TRHDE: variants seen among roughly 807,000 people sequenced by gnomAD.
TRHDE encodes thyrotropin-releasing hormone-degrading ectoenzyme.
TRHDE carries 72 observed loss-of-function variants against 125.7 expected under a neutral mutation model. The ratio of observed to expected loss-of-function variants is 0.57; its 90% CI spans 0.47 to 0.70. TRHDE has a LOEUF of 0.70. TRHDE is among the 30% of genes least tolerant of loss of function. TRHDE has a pLI of 0.00. For missense variants in TRHDE, 1,110 were observed against 1,327.1 expected, an observed-to-expected ratio of 0.84 and a Z score of 2.54; for synonymous variants, 509 against 509.1, an observed-to-expected ratio of 1.00 and a Z score of 0.00.
intron 2 of TRHDE, among the ~76,000 whole-genome samples, chr12:72,346,342 G>A (rs1277691169): frequency 6.6e-6 from 1 of 152,040 alleles, no homozygotes; most frequent in Non-Finnish European, 1.5e-5. Flanking sequence ...CGTCATTAAT[G>A]GGCATGCAAG....
intron 15 of TRHDE, among the ~76,000 whole-genome samples, chr12:72,622,551 G>A (rs2136079824): frequency 6.6e-6 from 1 of 152,146 alleles, no homozygotes; most frequent in East Asian, 1.9e-4. Context: ...AGAGAAGCTA[G>A]GGCTTGATTT....
chr12:72,156,845 A>G (rs896964696), intron 2 of TRHDE, among the ~76,000 whole-genome samples: 1 of 152,318 alleles, frequency 6.6e-6, no homozygotes, highest in Admixed American at 6.5e-5. Flanking sequence ...GAATGCTAGG[A>G]TTCAGTAATT....
chr12:72,351,710 C>T (rs1870590514), intron 2 of TRHDE, among the ~76,000 whole-genome samples: 1 of 151,902 alleles, frequency 6.6e-6, no homozygotes, highest in South Asian at 2.1e-4. Context: ...CCAATTCATG[C>T]TCTAAATTAG....
chr12:72,593,275 TATAG>T lies in TRHDE; in HGVS notation c.2321+17737_2321+17740del, dbSNP rs749333602. Among the ~76,000 whole-genome samples, 3 of 152,288 alleles carry T rather than the reference TATAG, an allele frequency of 2.0e-5. No homozygotes were observed. The East Asian group carries it at 5.8e-4, about 29-fold the overall frequency. On this transcript the variant is annotated intron_variant, in intron 12 of 18. Transcript: ENST00000261180. ...TAAAAGGGAAACCTCACCCCTATTTTATAGATAAAGTGTCTAAGGTTCAGAAAGG... is the reference window on the plus strand; with the variant it reads ...TAAAAGGGAAACCTCACCCCTATTTTATAAAGTGTCTAAGGTTCAGAAAGG...
chr12:72,260,195 C>T (rs933914108), intron 2 of TRHDE, among the ~76,000 whole-genome samples: 2 of 152,102 alleles, frequency 1.3e-5, no homozygotes, highest in African/African-American at 4.8e-5. Context: ...ATTTCAAAAT[C>T]TAACTCTTCT....
At chr12:72,113,176 C>G (rs553790137) in intron 2 of TRHDE, among the ~76,000 whole-genome samples, 14 of 152,146 alleles carry the variant, frequency 9.2e-5, no homozygotes, top group African/African-American at 3.4e-4. Flanking sequence ...CATCACCATA[C>G]CTGGCTAAAT....
intron 3 of TRHDE, among the ~76,000 whole-genome samples, chr12:72,431,128 CTATTT>C (rs1019541242): frequency 3.7e-4 from 57 of 152,130 alleles, no homozygotes; most frequent in African/African-American, 1.3e-3. Flanking sequence ...TCTTGCTGAA[CTATTT>C]TATTAGTCTT....
At chr12:72,291,264 G>A (rs1022808229) in intron 2 of TRHDE, among the ~76,000 whole-genome samples, 3 of 152,148 alleles carry the variant, frequency 2.0e-5, no homozygotes, top group African/African-American at 7.2e-5. Context: ...ACAATAATAA[G>A]ACTGGAATAT....
At chr12:72,510,055 C>T (rs1878519576) in intron 6 of TRHDE, among the ~76,000 whole-genome samples, 1 of 152,138 alleles carries the variant, frequency 6.6e-6, no homozygotes, top group African/African-American at 2.4e-5. Flanking sequence ...CCTGACCCCT[C>T]AGCCCTGGAC....
At chr12:72,141,078 A>G (rs1260015383) in intron 2 of TRHDE, among the ~76,000 whole-genome samples, 2 of 152,192 alleles carry the variant, frequency 1.3e-5, no homozygotes, top group Non-Finnish European at 2.9e-5. Flanking sequence ...GTATTAGTAC[A>G]TCCCATTTAA....
chr12:72,314,572 C>T (rs2135703273), intron 2 of TRHDE, among the ~76,000 whole-genome samples: 1 of 152,174 alleles, frequency 6.6e-6, no homozygotes, highest in African/African-American at 2.4e-5. Flanking sequence ...AAACCAGTGT[C>T]ACTGAAGGAA....
chr12:72,440,785 A>G (rs890944552), intron 3 of TRHDE, among the ~76,000 whole-genome samples: 1 of 151,896 alleles, frequency 6.6e-6, no homozygotes, highest in African/African-American at 2.4e-5. Flanking sequence ...ATCAGAGTAG[A>G]TCGCACCCAA....
intron 2 of TRHDE, among the ~76,000 whole-genome samples, chr12:72,193,534 T>G (rs1877379968): frequency 6.6e-6 from 1 of 152,160 alleles, no homozygotes; most frequent in Admixed American, 6.5e-5. Context: ...GGCAGCTATT[T>G]ACAGCATAAC....
chr12:72,466,838 A>G (rs982795933), intron 3 of TRHDE, among the ~76,000 whole-genome samples: 6 of 152,114 alleles, frequency 3.9e-5, no homozygotes, highest in African/African-American at 7.2e-5. Flanking sequence ...ATCAATCACT[A>G]TCTTACTCTG....
intron 9 of TRHDE, 112 bp downstream of exon 9, chr12:72,563,152 G>T: frequency 1.2e-6 from 1 of 813,342 alleles, no homozygotes; most frequent in Non-Finnish European, 1.9e-6. Context: ...GTGAAATATA[G>T]TTTTTGTTTC....
chr12:72,344,554 T>C (rs1468766167), intron 2 of TRHDE, among the ~76,000 whole-genome samples: 3 of 152,148 alleles, frequency 2.0e-5, no homozygotes, highest in Non-Finnish European at 4.4e-5. Context: ...GTGTGCCATG[T>C]CCTGGTTTGG....
intron 5 of TRHDE, among the ~76,000 whole-genome samples, chr12:72,480,541 T>A (rs867746573): frequency 1.4e-4 from 21 of 152,338 alleles, no homozygotes; most frequent in South Asian, 1.0e-3. Context: ...TGGAATAAAG[T>A]ATTTCTTCTG....
At chr12:72,631,443 G>C (rs1209144034) in intron 15 of TRHDE, among the ~76,000 whole-genome samples, 4 of 151,674 alleles carry the variant, frequency 2.6e-5, no homozygotes, top group African/African-American at 9.7e-5. Context: ...AACTATTTAA[G>C]TGAGTATCCT....
At chr12:72,619,449 C>T (rs537514959) in intron 13 of TRHDE, among the ~76,000 whole-genome samples, 1 of 152,094 alleles carries the variant, frequency 6.6e-6, no homozygotes, top group Non-Finnish European at 1.5e-5. Flanking sequence ...ATACTGAATT[C>T]AATTCACTGC....
Sources: gnomAD v4.1 joint callset for allele counts (sites outside exome capture counted in the v4.1 genomes callset) on GRCh38, gnomAD v4.1.1 for gene constraint, MANE v1.5 for transcripts, NCBI Gene and HGNC (gene_info 2026-07-23, HGNC 2026-07-21) for gene names.